The following CDH4 variants were observed in gnomAD, a reference collection of about 807,000 sequenced individuals.
CDH4 encodes cadherin 4.
In CDH4, 33 loss-of-function variants were observed where a neutral mutation model predicts 86.0. The observed-to-expected ratio is 0.38, with a 90% CI of 0.29 to 0.51. The LOEUF is 0.51. Among genes scored for constraint, CDH4 ranks in the 20% least tolerant of loss-of-function variants. CDH4 has a pLI of 0.86. For missense variants in CDH4, 1,114 were observed against 1,307.4 expected (o/e 0.85, Z 2.28); for synonymous variants, 555 against 549.4 (o/e 1.01, Z -0.14).
At chr20:61,654,126 C>A (rs1032324290) in intron 2 of CDH4, among the ~76,000 whole-genome samples, 4 of 152,164 alleles carry the variant, frequency 2.6e-5, no homozygotes, top group African/African-American at 9.6e-5. Context: ...GCACTCCAGC[C>A]TGGGCACCAT....
rs1979114861 is a variant in CDH4, at chr20:61,790,424, TCATCTCTCCATC to T, written c.576+17247_576+17258del. On this transcript the variant is annotated intron_variant, in intron 4 of 15. Coordinates refer to ENST00000614565, the MANE Select transcript of CDH4 (RefSeq NM_001794.5). ...TCCCCTCATCTACCCATCTATCCAT[TCATCTCTCCATC>T]CATCCATTCATCCATCCACCCATCC... Among the ~76,000 whole-genome samples, 3 of 132,332 alleles carry T rather than the reference TCATCTCTCCATC, an allele frequency of 2.3e-5. No individual in the cohort carries two copies. The South Asian group carries it at 7.5e-4, about 33-fold the overall frequency. 86.8% of individuals were successfully genotyped at this position (132,332 alleles called of 152,430 possible).
In CDH4 at chr20:61,754,343, C is replaced by T. The variant is rs2088532954; in HGVS notation, c.396+10554C>T. 1.3e-5 allele frequency among the ~76,000 whole-genome samples: 2 copies of T among 152,110 alleles called. No individual in the cohort carries two copies. The highest frequency in any genetic ancestry group is 2.4e-5 in the African/African-American group (1 of 41,414). ...GGAGGAGTGTCCCCAGCCAGGGGTC[C>T]CGCCCAGGGCTCCAAATACCCCTGA... On this transcript the variant is annotated intron_variant, in intron 3 of 15. Coordinates refer to ENST00000614565, the MANE Select transcript of CDH4 (RefSeq NM_001794.5). This position sits in a 1 kb window ranked among gnomAD's most constrained non-coding sequence, Gnocchi z 4.7.
chr20:61,426,224 T>C (rs1025721049), intron 2 of CDH4, among the ~76,000 whole-genome samples: 1 of 152,234 alleles, frequency 6.6e-6, no homozygotes, highest in African/African-American at 2.4e-5. Context: ...AATCATCTCA[T>C]TTTTTGACGC....
chr20:61,441,200 C>T (rs555194061), intron 2 of CDH4, among the ~76,000 whole-genome samples: 2 of 152,192 alleles, frequency 1.3e-5, no homozygotes, highest in Non-Finnish European at 2.9e-5. Flanking sequence ...GTCATCCATC[C>T]ATGGCAGGAG....
intron 2 of CDH4, among the ~76,000 whole-genome samples, chr20:61,346,625 TCC>T (rs1307859418): frequency 1.3e-5 from 2 of 151,800 alleles, no homozygotes; most frequent in Non-Finnish European, 2.9e-5. Context: ...GTGCCTGTAG[TCC>T]CAGCTACTCA....
At chr20:61,274,622 G>GAGGAGTACGGTGTGCAGTTTGC (rs1474207508) in intron 2 of CDH4, among the ~76,000 whole-genome samples, 1 of 149,134 alleles carries the variant, frequency 6.7e-6, no homozygotes, top group Non-Finnish European at 1.5e-5. Flanking sequence ...GTGCAGTTTG[G>GAGGAGTACGGTGTGCAGTTTGC]AGGAGTACGG....
rs890556152 is a variant in CDH4, at chr20:61,252,409, G to A, written c.-105G>A. 2.9e-5 allele frequency: 12 copies of A among 415,722 alleles called. No homozygotes were observed. The highest frequency in any genetic ancestry group is 4.4e-5 in the African/African-American group (2 of 44,956). 25.8% of individuals were successfully genotyped at this position (415,722 alleles called of 1,614,324 possible). A position where few individuals can be genotyped will look rare whatever the true frequency, so the allele number is the denominator to read the frequency against. The stretch of plus-strand genomic sequence containing the variant: ...TCCGGGCAGGCGCGGGGGAGCGGCG[G>A]CGGCGGCGGCGATCGGAGCGGCGGC... On this transcript the variant is annotated 5_prime_UTR_variant, in exon 1 of 16. Coordinates refer to ENST00000614565, the MANE Select transcript of CDH4 (RefSeq NM_001794.5). The surrounding 1 kb of genome is among the most constrained non-coding windows in gnomAD (Gnocchi z 4.4).
intron 2 of CDH4, among the ~76,000 whole-genome samples, chr20:61,535,779 C>T (rs930012257): frequency 2.6e-5 from 4 of 151,836 alleles, no homozygotes; most frequent in Admixed American, 6.6e-5. Context: ...CCCCTGTACT[C>T]GCCCCTGAGC....
chr20:61,585,642 G>A (rs1214869663), intron 2 of CDH4, among the ~76,000 whole-genome samples: 1 of 151,798 alleles, frequency 6.6e-6, no homozygotes, highest in Non-Finnish European at 1.5e-5. Flanking sequence ...TGATGGTGAT[G>A]ATGATGGTGA....
chr20:61,812,983 A>T (rs932101835), intron 4 of CDH4, among the ~76,000 whole-genome samples: 4 of 152,184 alleles, frequency 2.6e-5, no homozygotes, highest in Non-Finnish European at 5.9e-5. Context: ...GACGTGGTGG[A>T]GGCGCCCTGC....
chr20:61,258,831 G>A (rs2084114928), intron 2 of CDH4, among the ~76,000 whole-genome samples: 1 of 152,172 alleles, frequency 6.6e-6, no homozygotes, highest in African/African-American at 2.4e-5. Context: ...AGCAGAAGAA[G>A]GTGCAGATAG....
intron 2 of CDH4, among the ~76,000 whole-genome samples, chr20:61,430,621 G>A (rs2145514968): frequency 6.6e-6 from 1 of 152,276 alleles, no homozygotes; most frequent in South Asian, 2.1e-4. Flanking sequence ...TGCGATTAGA[G>A]GAGGTAAAGG....
At chr20:61,625,752 C>A (rs979122930) in intron 2 of CDH4, among the ~76,000 whole-genome samples, 7 of 152,200 alleles carry the variant, frequency 4.6e-5, no homozygotes, top group African/African-American at 9.7e-5. Flanking sequence ...ATCATGGGTT[C>A]ATCTTCTGAG....
intron 13 of CDH4, among the ~76,000 whole-genome samples, chr20:61,930,948 C>T (rs376254816): frequency 6.6e-6 from 1 of 151,974 alleles, no homozygotes; most frequent in Non-Finnish European, 1.5e-5. Flanking sequence ...GTGCCTGGCC[C>T]GTGCAGGAGA....
At chr20:61,546,393 A>G (rs2086087361) in intron 2 of CDH4, among the ~76,000 whole-genome samples, 1 of 150,334 alleles carries the variant, frequency 6.7e-6, no homozygotes, top group African/African-American at 2.5e-5. Flanking sequence ...GTGTGCACAC[A>G]TGCATGTGCG....
chr20:61,848,198 G>A (rs1254672976), intron 5 of CDH4, among the ~76,000 whole-genome samples: 1 of 152,164 alleles, frequency 6.6e-6, no homozygotes, highest in Non-Finnish European at 1.5e-5. Context: ...CCTCACCACG[G>A]ATGCACTCAG....
In CDH4 at chr20:61,636,854, A is replaced by G. The variant is rs908841346; in HGVS notation, c.170-106709A>G. Among the ~76,000 whole-genome samples, 19 of 152,194 alleles carry G rather than the reference A, an allele frequency of 1.2e-4. 1 individual carries two copies. The highest frequency in any genetic ancestry group is 1.1e-3 in the Admixed American group (17 of 15,282). On this transcript the variant is annotated intron_variant, in intron 2 of 15. Coordinates refer to ENST00000614565, the MANE Select transcript of CDH4 (RefSeq NM_001794.5). ...GGCTTTGCAGGAAGATTCTACCACC[A>G]GGCTGCATGGAGGGCAGCTAGCTGG...
At chr20:61,645,018 G>T (rs371086549) in intron 2 of CDH4, among the ~76,000 whole-genome samples, 1 of 152,132 alleles carries the variant, frequency 6.6e-6, no homozygotes, top group African/African-American at 2.4e-5. Context: ...GCGAGCTCCC[G>T]GGAGTCTCTT....
rs2088822672 is a variant in CDH4, at chr20:61,775,099, C to T, written c.576+1917C>T. On this transcript the variant is annotated intron_variant, in intron 4 of 15. Transcript: ENST00000614565. The stretch of plus-strand genomic sequence containing the variant: ...CCTCTAGGACTTTGAGGAATTGCCA[C>T]ACTGTTTATCCCCAAAGGAGATTGT... Among the ~76,000 whole-genome samples the T allele has an allele frequency of 1.3e-5, 2 of 152,172 alleles. 1 individual carries two copies. The highest frequency in any genetic ancestry group is 4.1e-4 in the South Asian group (2 of 4,826).
Sources: gnomAD v4.1 joint callset for allele counts (sites outside exome capture counted in the v4.1 genomes callset) on GRCh38, gnomAD v4.1.1 for gene constraint, Gnocchi (gnomAD v3.1) non-coding constraint, MANE v1.5 for transcripts, NCBI Gene and HGNC (gene_info 2026-07-23, HGNC 2026-07-21) for gene names.